The following IVD variants were observed in gnomAD, a reference collection of about 807,000 sequenced individuals.
The protein encoded by IVD is isovaleryl-CoA dehydrogenase, mitochondrial.
IVD carries 31 observed loss-of-function variants against 51.3 expected under a neutral mutation model. The observed-to-expected ratio is 0.60, with a 90% CI of 0.45 to 0.81. IVD has a LOEUF of 0.81. Ranked by LOEUF, IVD falls within the 40% of genes least tolerant of loss-of-function variation. IVD has a pLI of 0.00. For synonymous variants in IVD, 205 were observed against 219.4 expected (o/e 0.93, Z 0.58); for missense variants, 475 against 552.0 (o/e 0.86, Z 1.40).
chr15:40,411,310 A>T lies in IVD; in HGVS notation c.507A>T (p.Ala169=). ...IGALAMSEPN[A]GSDVVSMKLK... The stretch of plus-strand genomic sequence containing the variant: ...CCCTGGCCATGAGTGAGCCCAATGC[A>T]GGCTCTGATGTTGTCTCTATGAAGC... Residue 169 remains alanine (A), a synonymous_variant, in exon 5 of 12, where the codon GCA becomes GCT. Coordinates refer to ENST00000487418, the MANE Select transcript of IVD (RefSeq NM_002225.5). The T allele has an allele frequency of 6.2e-7, 1 of 1,614,132 alleles. No homozygotes were observed. Among genetic ancestry groups the T allele is most frequent in the Non-Finnish European group, 8.5e-7 (1 of 1,180,026 alleles).
downstream of IVD, chr15:40,421,371 T>A (rs1051524148): frequency 2.0e-6 from 2 of 985,302 alleles, no homozygotes; most frequent in African/African-American, 3.5e-5. Context: ...CTTGTGGGCG[T>A]GTTTGGTTGC....
intron 7 of IVD, among the ~76,000 whole-genome samples, chr15:40,430,164 G>A (rs1892890414): frequency 1.3e-5 from 2 of 152,186 alleles, no homozygotes; most frequent in South Asian, 4.1e-4. Flanking sequence ...GAGCCGCTGC[G>A]GCACAGGCAA....
chr15:40,432,324 G>A (rs939942961), intron 7 of IVD, among the ~76,000 whole-genome samples: 2 of 152,216 alleles, frequency 1.3e-5, no homozygotes, highest in South Asian at 2.1e-4. Context: ...ACTCTTTGAT[G>A]TGCTCTTCAG....
chr15:40,429,122 C>A (rs147713693), downstream of IVD, among the ~76,000 whole-genome samples: 188 of 152,292 alleles, frequency 1.2e-3, 1 homozygote, highest in Non-Finnish European at 2.4e-3. Flanking sequence ...TTCCCTGCTG[C>A]CCCATGGAAA....
At position 40,420,155 on chromosome 15, in the gene IVD, G is replaced by A. The variant is rs1004450033; in HGVS notation, c.*1892G>A. 5 of 985,700 alleles carry A rather than the reference G, an allele frequency of 5.1e-6. No individual in the cohort carries two copies. The highest frequency in any genetic ancestry group is 3.5e-5 in the African/African-American group (2 of 57,346). The allele number at this position is 985,700 out of a possible 1,614,324, so 61.1% of individuals were successfully genotyped here. A position where few individuals can be genotyped will look rare whatever the true frequency, so the allele number is the denominator to read the frequency against. ...CACATGCTGCTGAGTCCGCAGGGGG[G>A]GCAGAGCAGAGGACAGCGTGCTTTT... On this transcript the variant is annotated 3_prime_UTR_variant, in exon 12 of 12. Coordinates refer to ENST00000487418, the MANE Select transcript of IVD (RefSeq NM_002225.5).
chr15:40,415,628 C>A, intron 9 of IVD, 146 bp downstream of exon 9: 2 of 745,558 alleles, frequency 2.7e-6, no homozygotes, highest in Non-Finnish European at 2.3e-6. Flanking sequence ...TCTTCCTCAG[C>A]ATGCAGCCTG....
chr15:40,422,971 G>A (rs1009918409), downstream of IVD, among the ~76,000 whole-genome samples: 2 of 151,952 alleles, frequency 1.3e-5, no homozygotes, highest in African/African-American at 4.8e-5. Context: ...ACCCAGTGCA[G>A]TGGCGTGATC....
chr15:40,422,585 CTTTTTTTTTTT>C (rs1157351420), downstream of IVD, among the ~76,000 whole-genome samples: 441 of 69,140 alleles, frequency 6.4e-3, 10 homozygotes, highest in African/African-American at 0.029. Context: ...GCCCGGCCGA[CTTTTTTTTTTT>C]TTTTTTTTTT....
At chr15:40,435,284 C>A in intron 8 of IVD, 1 of 505,652 alleles carries the variant, frequency 2.0e-6, no homozygotes, top group Non-Finnish European at 2.6e-6. Flanking sequence ...CCTATCTTAG[C>A]GAGTGAGGGA....
chr15:40,430,026 G>A (rs1026550886), intron 7 of IVD, among the ~76,000 whole-genome samples: 55 of 152,232 alleles, frequency 3.6e-4, no homozygotes, highest in African/African-American at 1.3e-3. Flanking sequence ...CAGGCAAACT[G>A]GGTCAGGATG....
intron 7 of IVD, chr15:40,433,807 G>A: frequency 2.2e-6 from 1 of 456,304 alleles, no homozygotes; most frequent in South Asian, 1.6e-5. Flanking sequence ...TCACCTAGAA[G>A]AGCCCACAAA....
At chr15:40,415,075 C>G in intron 8 of IVD, 93 bp downstream of exon 8, 1 of 1,448,692 alleles carries the variant, frequency 6.9e-7, no homozygotes, top group Non-Finnish European at 9.5e-7. Flanking sequence ...CTTGCGGGGC[C>G]AAAGGGAGCT....
At position 40,415,487 on chromosome 15, in the gene IVD, G is replaced by GC; in HGVS notation, c.960+7dup. On this transcript the variant is annotated splice_donor_region_variant and intron_variant, in intron 9 of 11. Transcript: ENST00000487418. Reference sequence around the variant, plus strand: ...CAGAAGATCGGCCACTTCCAGGTGAGCCGAGTGCTTTTGCTGACATGTACT... The same window carrying GC: ...CAGAAGATCGGCCACTTCCAGGTGAGCCCGAGTGCTTTTGCTGACATGTACT... 1.2e-6 allele frequency: 2 copies of GC among 1,613,514 alleles called. No homozygotes were observed. The highest frequency in any genetic ancestry group is 8.5e-7 in the Non-Finnish European group (1 of 1,179,560).
chr15:40,414,635 G>A, intron 7 of IVD: 1 of 470,028 alleles, frequency 2.1e-6, no homozygotes, highest in South Asian at 2.0e-5. Flanking sequence ...AGTCCAGAGA[G>A]GGAAGGGAAA....
downstream of IVD, among the ~76,000 whole-genome samples, chr15:40,429,040 T>G (rs1892827625): frequency 6.6e-6 from 1 of 152,134 alleles, no homozygotes; most frequent in Admixed American, 6.5e-5. Context: ...CATCTTACAC[T>G]ACAAGCTCCT....
Position 40,420,109 on chromosome 15 carries a change from T to A in IVD, c.*1846T>A, listed in dbSNP as rs1892154227. 5.1e-6 allele frequency: 5 copies of A among 984,260 alleles called. No homozygotes were observed. Among genetic ancestry groups the A allele is most frequent in the Admixed American group, 6.2e-5 (1 of 16,184 alleles). 61.0% of individuals were successfully genotyped at this position (984,260 alleles called of 1,614,324 possible). A position where few individuals can be genotyped will look rare whatever the true frequency, so the allele number is the denominator to read the frequency against. ...CAGAGTGAGACTCTGTCTCAAAAAA[T>A]AATAATAAAATAAATGAACACACAT... On this transcript the variant is annotated 3_prime_UTR_variant, in exon 12 of 12. Transcript: ENST00000487418.
At chr15:40,410,928 A>G in intron 4 of IVD, 131 bp downstream of exon 4, 1 of 1,128,342 alleles carries the variant, frequency 8.9e-7, no homozygotes, top group Non-Finnish European at 1.3e-6. Flanking sequence ...GTGGTTAGGA[A>G]GGGGCCATGG....
At position 40,407,991 on chromosome 15, in the gene IVD, G is replaced by C; in HGVS notation, c.286+1G>C. ...GGCGTATTGGGCATCACAGCCCCTG[G>C]TGAGTATAGTGTCTTTCCCTAAAAA... On this transcript the variant is annotated splice_donor_variant, in intron 3 of 11. Transcript: ENST00000487418. LOFTEE classifies it high-confidence loss of function. The C allele has an allele frequency of 6.2e-7, 1 of 1,613,750 alleles. No homozygotes were observed. The highest frequency in any genetic ancestry group is 8.5e-7 in the Non-Finnish European group (1 of 1,179,660).
At chr15:40,424,397 A>C (rs899076609), downstream of IVD, 6 of 294,450 alleles carry the variant, frequency 2.0e-5, no homozygotes, top group Admixed American at 2.7e-4. Context: ...CAGCCCTTCA[A>C]ACTTTCTCTT....
Sources: gnomAD v4.1 joint callset for allele counts (sites outside exome capture counted in the v4.1 genomes callset) on GRCh38, gnomAD v4.1.1 for gene constraint, MANE v1.5 for transcripts, NCBI Gene and HGNC (gene_info 2026-07-23, HGNC 2026-07-21) for gene names.